LRP2BP: variants seen among roughly 807,000 people sequenced by gnomAD.
LRP2BP encodes LRP2-binding protein.
Under a neutral mutation model 45.2 loss-of-function variants are expected in LRP2BP, and 38 were observed. The observed-to-expected ratio is 0.84, with a 90% CI of 0.65 to 1.10. The LOEUF (loss-of-function observed/expected upper bound fraction) is 1.10, where lower values mean the gene tolerates loss of function less well. Ranked by LOEUF, LRP2BP falls within the 50% of genes least tolerant of loss-of-function variation. LRP2BP has a pLI of 0.00. For synonymous variants in LRP2BP, 153 were observed against 153.9 expected (o/e 0.99, Z 0.04); for missense variants, 385 against 418.9 (o/e 0.92, Z 0.71).
Position 185,395,587 on chromosome 4 carries a change from G to A in LRP2BP, c.-830C>T. 2.0e-6 allele frequency: 2 copies of A among 978,344 alleles called. No individual in the cohort carries two copies. The highest frequency in any genetic ancestry group is 2.4e-6 in the Non-Finnish European group (2 of 823,514). The allele number at this position is 978,344 out of a possible 1,614,324, so 60.6% of individuals were successfully genotyped here. ...TATTAAAAATGTGGAATATAAGAAC[G>A]ATTCTATATATTTGAACACACATTT... On this transcript the variant is annotated 5_prime_UTR_variant, in exon 1 of 9. Coordinates refer to ENST00000505916, the MANE Select transcript of LRP2BP (RefSeq NM_001377440.1).
intron 7 of LRP2BP, 71 bp from the exon 8 acceptor site, chr4:185,370,885 A>G: frequency 1.3e-6 from 2 of 1,504,260 alleles, no homozygotes; most frequent in African/African-American, 1.4e-5. Flanking sequence ...CGATGCGCCT[A>G]GAGACTGTCC....
At chr4:185,372,628 C>T (rs1006797178) in intron 7 of LRP2BP, among the ~76,000 whole-genome samples, 5 of 152,088 alleles carry the variant, frequency 3.3e-5, no homozygotes, top group Admixed American at 2.6e-4. Context: ...TCTTAAGAGG[C>T]GACGAGGCCA....
intron 1 of LRP2BP, among the ~76,000 whole-genome samples, chr4:185,389,452 C>T (rs968969409): frequency 8.0e-5 from 12 of 150,918 alleles, no homozygotes; most frequent in Admixed American, 5.3e-4. Context: ...CCTTGTGATC[C>T]GCCCACCTCA....
intron 1 of LRP2BP, among the ~76,000 whole-genome samples, chr4:185,393,150 C>T (rs866438998): frequency 9.4e-6 from 1 of 106,376 alleles, no homozygotes; most frequent in Admixed American, 1.1e-4. Context: ...AGGCTGATCT[C>T]GAACTCCTGG....
chr4:185,391,912 C>T (rs1044240435), intron 1 of LRP2BP, among the ~76,000 whole-genome samples: 2 of 152,188 alleles, frequency 1.3e-5, no homozygotes, highest in East Asian at 1.9e-4. Context: ...CCCATGTATA[C>T]ACACACACCT....
intron 1 of LRP2BP, among the ~76,000 whole-genome samples, chr4:185,381,610 AATTAGGCTGACT>A (rs1400567741): frequency 6.6e-6 from 1 of 152,212 alleles, no homozygotes; most frequent in East Asian, 1.9e-4. Context: ...TCACCCATTC[AATTAGGCTGACT>A]TTTCAGGAGT....
chr4:185,378,506 A>C, intron 1 of LRP2BP: 1 of 1,080,106 alleles, frequency 9.3e-7, no homozygotes, highest in Non-Finnish European at 1.1e-6. Flanking sequence ...CAAGTCACCC[A>C]GCACAAGTGT....
At chr4:185,386,507 A>G (rs1234515322) in intron 1 of LRP2BP, among the ~76,000 whole-genome samples, 1 of 152,212 alleles carries the variant, frequency 6.6e-6, no homozygotes, top group Non-Finnish European at 1.5e-5. Flanking sequence ...GTGGGCAGAG[A>G]GGACAAGAGA....
chr4:185,377,995 C>A, intron 2 of LRP2BP, 86 bp downstream of exon 2: 2 of 1,091,544 alleles, frequency 1.8e-6, no homozygotes, highest in Non-Finnish European at 2.7e-6. Flanking sequence ...CAATAAAACA[C>A]ATTATTTCTT....
rs766924375 is a variant in LRP2BP, at chr4:185,372,882, A to T, written c.777T>A (p.Phe259Leu). 3 of 1,608,840 alleles carry T rather than the reference A, an allele frequency of 1.9e-6. No homozygotes were observed. Among genetic ancestry groups the T allele is most frequent in the Non-Finnish European group, 2.6e-6 (3 of 1,175,538 alleles). Residue 259 changes from phenylalanine to leucine, a missense_variant, in exon 7 of 9, where the codon TTT becomes TTA. Transcript: ENST00000505916. ...TTTTGGAAAATGCAACACACTTTGT[A>T]AAAAATTTCATCTTATAGTAATACT... ...LVEYYYKMKFFTKCVAFSKRI... is the reference protein window; with the variant it reads ...LVEYYYKMKFLTKCVAFSKRI...
intron 7 of LRP2BP, among the ~76,000 whole-genome samples, chr4:185,372,092 T>C (rs1561077013): frequency 6.6e-6 from 1 of 152,222 alleles, no homozygotes; most frequent in Admixed American, 6.5e-5. Context: ...AGTGTCAGTC[T>C]TTTAACCATA....
chr4:185,395,257 G>T lies in LRP2BP; in HGVS notation c.-500C>A. On this transcript the variant is annotated 5_prime_UTR_variant, in exon 1 of 9. Transcript: ENST00000505916. ...ATACTGAACAGAATCTTGTTTCAAAGAAAAGATATGAAATATGGAGGCACT... is the reference window on the plus strand; with the variant it reads ...ATACTGAACAGAATCTTGTTTCAAATAAAAGATATGAAATATGGAGGCACT... The T allele has an allele frequency of 1.0e-6, 1 of 985,388 alleles. No homozygotes were observed. The highest frequency in any genetic ancestry group is 1.2e-6 in the Non-Finnish European group (1 of 829,904). 61.0% of individuals were successfully genotyped at this position (985,388 alleles called of 1,614,324 possible).
At chr4:185,380,537 C>G (rs182205173) in intron 1 of LRP2BP, among the ~76,000 whole-genome samples, 2 of 152,324 alleles carry the variant, frequency 1.3e-5, no homozygotes, top group Non-Finnish European at 2.9e-5. Flanking sequence ...CCCTTCATGT[C>G]TCCTCTATCT....
At chr4:185,393,002 C>T (rs2095492320) in intron 1 of LRP2BP, among the ~76,000 whole-genome samples, 1 of 152,194 alleles carries the variant, frequency 6.6e-6, no homozygotes, top group South Asian at 2.1e-4. Flanking sequence ...GGCACGATCT[C>T]GGCTCACTGC....
chr4:185,387,956 G>T (rs1028655271), intron 1 of LRP2BP, among the ~76,000 whole-genome samples: 1 of 152,204 alleles, frequency 6.6e-6, no homozygotes, highest in Non-Finnish European at 1.5e-5. Context: ...CTGTCCCGTG[G>T]AAGTGGAAAG....
At chr4:185,371,855 A>G (rs2095417221) in intron 7 of LRP2BP, among the ~76,000 whole-genome samples, 1 of 152,156 alleles carries the variant, frequency 6.6e-6, no homozygotes, top group South Asian at 2.1e-4. Flanking sequence ...CCTCTCTTGT[A>G]GATGACTGCC....
chr4:185,396,737 T>G, upstream of LRP2BP: 73 of 618,290 alleles, frequency 1.2e-4, no homozygotes, highest in Middle Eastern at 4.4e-4. Flanking sequence ...TCCGGGTCGT[T>G]GAGGATTAGG....
rs1009669062 is a variant in LRP2BP at position 185,384,689 on chromosome 4, C to T, written c.-21-6482G>A. Among the ~76,000 whole-genome samples, 165 of 151,318 alleles carry T rather than the reference C, an allele frequency of 1.1e-3. 1 individual carries two copies. Among genetic ancestry groups the T allele is most frequent in the African/African-American group, 3.8e-3 (158 of 41,188 alleles). On this transcript the variant is annotated intron_variant, in intron 1 of 8. Coordinates refer to ENST00000505916, the MANE Select transcript of LRP2BP (RefSeq NM_001377440.1). ...TAAGCCTCCCCGGCAAACCCTCAAA[C>T]CCGTGTTTATTGTTATTTTTCCTTT...
chr4:185,389,478 G>A lies in LRP2BP; in HGVS notation c.-22+5301C>T, dbSNP rs927304981. On this transcript the variant is annotated intron_variant, in intron 1 of 8. Transcript: ENST00000505916. ...GCCCACCTCAGCCTCCCAAAGTGCT[G>A]GGATTACAGGCGTGAGCCACCGTGC... 5.3e-5 allele frequency among the ~76,000 whole-genome samples: 8 copies of A among 152,216 alleles called. No individual in the cohort carries two copies. In the South Asian group the frequency reaches 1.0e-3, roughly 20 times the overall value.
Sources: allele counts gnomAD v4.1 joint callset (sites outside exome capture counted in the v4.1 genomes callset), GRCh38; gene constraint gnomAD v4.1.1; transcripts MANE v1.5; gene names NCBI Gene and HGNC (gene_info 2026-07-23, HGNC 2026-07-21).